The following CHAT variants were observed in gnomAD, a reference collection of about 807,000 sequenced individuals.
The protein encoded by CHAT is acetyl CoA:choline O-acetyltransferase.
In CHAT, 61 loss-of-function variants were observed where a neutral mutation model predicts 76.9. That is an observed-to-expected ratio of 0.79 (90% CI 0.65 to 0.98). CHAT has a LOEUF of 0.98. CHAT is among the 50% of genes least tolerant of loss of function. The probability of loss-of-function intolerance (pLI) is 0.00; values close to 1 mark genes in which losing one functional copy is unlikely to be tolerated. For missense variants in CHAT, 946 were observed against 986.9 expected (o/e 0.96, Z 0.56); for synonymous variants, 407 against 397.4 (o/e 1.02, Z -0.29).
rs780026522 is a variant in CHAT at position 49,664,845 on chromosome 10, C to T, written c.2046C>T (p.Tyr682=). 6.2e-7 allele frequency: 1 copy of T among 1,614,210 alleles called. No homozygotes were observed. Among genetic ancestry groups the T allele is most frequent in the South Asian group, 1.1e-5 (1 of 91,076 alleles). The change falls in exon 15 of 15, where the codon TAC becomes TAT. Residue 682 remains tyrosine (Y), a synonymous_variant. Coordinates refer to ENST00000337653, the MANE Select transcript of CHAT (RefSeq NM_020549.5). The part of the protein sequence containing the change: ...PVVPNGYGAC[Y]NPQPETILFC... ...TCCCAAATGGGTATGGTGCCTGCTA[C>T]AACCCCCAGCCAGAGACCATCCTTT...
intron 1 of CHAT, among the ~76,000 whole-genome samples, chr10:49,615,291 C>T (rs916807718): frequency 1.7e-4 from 26 of 152,230 alleles, no homozygotes; most frequent in African/African-American, 2.7e-4. Context: ...CTCACCAGGA[C>T]GCCACCTCTT....
chr10:49,645,834 G>A (rs1237780894), intron 7 of CHAT, among the ~76,000 whole-genome samples: 7 of 152,170 alleles, frequency 4.6e-5, no homozygotes, highest in Admixed American at 2.6e-4. Context: ...AAAGCCAGCT[G>A]TGGGCCAGGC....
At chr10:49,644,029 G>C (rs1197987838) in intron 7 of CHAT, among the ~76,000 whole-genome samples, 1 of 152,222 alleles carries the variant, frequency 6.6e-6, no homozygotes, top group Non-Finnish European at 1.5e-5. Context: ...CTGGGCTCAG[G>C]TGCTGTGTGA....
chr10:49,619,950 G>T, intron 3 of CHAT, 34 bp downstream of exon 3: 7 of 1,592,684 alleles, frequency 4.4e-6, no homozygotes, highest in South Asian at 1.1e-5. Flanking sequence ...CATAGAAGAG[G>T]GGCGGGAGGC....
intron 7 of CHAT, among the ~76,000 whole-genome samples, chr10:49,631,907 A>C (rs927030178): frequency 3.6e-4 from 55 of 151,302 alleles, no homozygotes; most frequent in African/African-American, 1.3e-3. Context: ...CCAGATATTC[A>C]TGATGGGGAC....
chr10:49,622,036 G>GC, intron 4 of CHAT, 61 bp from the exon 5 acceptor site: 1 of 1,570,980 alleles, frequency 6.4e-7, no homozygotes, highest in Non-Finnish European at 8.8e-7. Context: ...GCAGAAGGGA[G>GC]GGAGGGAGGG....
At position 49,665,742 on chromosome 10, in the gene CHAT, T is replaced by A. The variant is rs1044910944; in HGVS notation, c.*696T>A. Among the ~76,000 whole-genome samples, 3 of 152,018 alleles carry A rather than the reference T, an allele frequency of 2.0e-5. No homozygotes were observed. The highest frequency in any genetic ancestry group is 6.6e-5 in the Admixed American group (1 of 15,264). On this transcript the variant is annotated 3_prime_UTR_variant, in exon 15 of 15. Transcript: ENST00000337653. ...CAGCTATTCTGAAAGGAAAAAAAAA[T>A]TTATCTGTGACTGCCCTGGAGTTGC...
At chr10:49,634,798 C>T (rs1247570730) in intron 7 of CHAT, among the ~76,000 whole-genome samples, 1 of 152,150 alleles carries the variant, frequency 6.6e-6, no homozygotes, top group African/African-American at 2.4e-5. Flanking sequence ...GCTCTTTATA[C>T]CCTCTGCCTT....
intron 6 of CHAT, among the ~76,000 whole-genome samples, chr10:49,626,204 C>G (rs1444858589): frequency 1.3e-5 from 2 of 152,164 alleles, no homozygotes; most frequent in Admixed American, 6.5e-5. Flanking sequence ...GCCCTAAGGT[C>G]ATGCTCTACC....
chr10:49,662,529 T>A (rs1265801384), intron 13 of CHAT, 116 bp from the exon 14 acceptor site: 6 of 1,341,028 alleles, frequency 4.5e-6, no homozygotes, highest in Non-Finnish European at 5.3e-6. Flanking sequence ...AGGCACTGGG[T>A]AAGCATGAGC....
chr10:49,662,437 G>A (rs1840220094), intron 13 of CHAT, among the ~76,000 whole-genome samples: 1 of 152,216 alleles, frequency 6.6e-6, no homozygotes, highest in East Asian at 1.9e-4. Flanking sequence ...AGTGCATGTG[G>A]AAATGCGCAA....
intron 11 of CHAT, among the ~76,000 whole-genome samples, chr10:49,652,530 C>T (rs1448867948): frequency 6.6e-6 from 1 of 152,218 alleles, no homozygotes; most frequent in Non-Finnish European, 1.5e-5. Flanking sequence ...CCTCCACCTC[C>T]ACTGCCATTG....
At position 49,655,422 on chromosome 10, in the gene CHAT, C is replaced by T. The variant is rs1471251847; in HGVS notation, c.1813C>T (p.Arg605Cys). The change falls in exon 13 of 15, where the codon CGT becomes TGT. Residue 605 changes from arginine (R) to cysteine (C), a missense_variant. Transcript: ENST00000337653. ...EKLLLLKDAI[R>C]AQTAYTVMAI... ...GCTTCTGCTCCTGAAGGATGCCATCCGTGCCCAGACTGCATACACAGTCAT... is the reference window on the plus strand; with the variant it reads ...GCTTCTGCTCCTGAAGGATGCCATCTGTGCCCAGACTGCATACACAGTCAT... 6.8e-6 allele frequency: 11 copies of T among 1,613,962 alleles called. No individual in the cohort carries two copies. The highest frequency in any genetic ancestry group is 1.3e-5 in the African/African-American group (1 of 74,926).
At chr10:49,626,471 C>T (rs1212795448) in intron 6 of CHAT, among the ~76,000 whole-genome samples, 1 of 152,206 alleles carries the variant, frequency 6.6e-6, no homozygotes, top group Non-Finnish European at 1.5e-5. Flanking sequence ...CTGGGCTCTC[C>T]TCACATTTTT....
chr10:49,628,563 G>T (rs1311013894), intron 7 of CHAT, among the ~76,000 whole-genome samples: 1 of 152,216 alleles, frequency 6.6e-6, no homozygotes, highest in East Asian at 1.9e-4. Context: ...CTACCCAAGA[G>T]CAGCCCCATG....
At chr10:49,634,077 T>C (rs1003392271) in intron 7 of CHAT, among the ~76,000 whole-genome samples, 1 of 152,178 alleles carries the variant, frequency 6.6e-6, no homozygotes, top group Non-Finnish European at 1.5e-5. Context: ...CCTCCCGAGC[T>C]CTCAAGACTG....
At chr10:49,654,638 G>A (rs1249524637) in intron 11 of CHAT, among the ~76,000 whole-genome samples, 1 of 152,246 alleles carries the variant, frequency 6.6e-6, no homozygotes, top group Non-Finnish European at 1.5e-5. Flanking sequence ...GGCCTGGACA[G>A]CCGTTTACGC....
At chr10:49,619,687 A>C in intron 2 of CHAT, 38 bp from the exon 3 acceptor site, 2 of 1,597,478 alleles carry the variant, frequency 1.3e-6, no homozygotes. Flanking sequence ...TGGGGCGCAC[A>C]TACTAGAGGC....
upstream of CHAT, chr10:49,611,317 G>A (rs1199258699): frequency 1.2e-6 from 2 of 1,605,142 alleles, no homozygotes; most frequent in Non-Finnish European, 1.7e-6. Flanking sequence ...AGCCTTCGCC[G>A]ACACGTCTGG....
Sources: allele counts gnomAD v4.1 joint callset (sites outside exome capture counted in the v4.1 genomes callset), GRCh38; gene constraint gnomAD v4.1.1; transcripts MANE v1.5; gene names NCBI Gene and HGNC (gene_info 2026-07-23, HGNC 2026-07-21).